Variants in FRMPD4 observed in about 807,000 individuals in gnomAD.
The protein encoded by FRMPD4 is FERM and PDZ domain-containing protein 4.
FRMPD4 carries 22 observed loss-of-function variants against 94.1 expected under a neutral mutation model. The ratio of observed to expected loss-of-function variants is 0.23; its 90% CI spans 0.17 to 0.33. The LOEUF is 0.33. Among genes scored for constraint, FRMPD4 ranks in the 10% least tolerant of loss-of-function variants. The pLI is 1.00. For missense variants in FRMPD4, 1,111 were observed against 1,339.9 expected (o/e 0.83, Z 2.67); for synonymous variants, 631 against 548.6 (o/e 1.15, Z -2.10).
chrX:12,502,630 TATAGATCCAATC>T lies in FRMPD4; in HGVS notation c.158+3841_158+3852del, dbSNP rs767632728. Among the ~76,000 whole-genome samples, 47 of 112,059 alleles carry T rather than the reference TATAGATCCAATC, an allele frequency of 4.2e-4. No individual in the cohort carries two copies. The East Asian group carries it at 4.7e-3, about 11-fold the overall frequency. ...TAGATGGAGAGGGATGTAGATATATTATAGATCCAATCATAGATACAGATATAAAAATAGATA... is the reference window on the plus strand; with the variant it reads ...TAGATGGAGAGGGATGTAGATATATTATAGATACAGATATAAAAATAGATA... On this transcript the variant is annotated intron_variant, in intron 2 of 16. Transcript: ENST00000675598.
chrX:12,304,461 G>A (rs1271953706), intron 1 of FRMPD4, among the ~76,000 whole-genome samples: 9 of 111,000 alleles, frequency 8.1e-5, no homozygotes, highest in African/African-American at 2.6e-4. Flanking sequence ...AGTCAGAAAC[G>A]TCTACAGACA....
intron 1 of FRMPD4, among the ~76,000 whole-genome samples, chrX:12,146,375 AG>A (rs1436653112): frequency 9.1e-6 from 1 of 109,922 alleles, no homozygotes; most frequent in African/African-American, 3.3e-5. Flanking sequence ...AAAAAAAAAA[AG>A]AAAAGAAAAA....
chrX:12,304,157 T>G (rs1569224965), intron 1 of FRMPD4, among the ~76,000 whole-genome samples: 1 of 111,683 alleles, frequency 9.0e-6, no homozygotes, highest in East Asian at 2.8e-4. Context: ...TGATGCCAAC[T>G]TACCAAGGTG....
At chrX:12,495,023 G>C in intron 1 of FRMPD4, 3 of 735,060 alleles carry the variant, frequency 4.1e-6, no homozygotes, top group Non-Finnish European at 4.8e-6. Flanking sequence ...CCTGAGCCCG[G>C]TGGAAATGGA....
chrX:12,142,752 C>T (rs1465978683), intron 1 of FRMPD4, among the ~76,000 whole-genome samples: 5 of 111,656 alleles, frequency 4.5e-5, no homozygotes, highest in Middle Eastern at 4.6e-3. Context: ...GGGAAGAAGG[C>T]GTCTAGGTCA....
chrX:12,696,416 A>G (rs2060129733), intron 9 of FRMPD4, among the ~76,000 whole-genome samples: 1 of 110,187 alleles, frequency 9.1e-6, no homozygotes, highest in Admixed American at 9.7e-5. Flanking sequence ...GCTTCCTATT[A>G]CTCTCACTTA....
chrX:12,435,620 G>A (rs1247981294), intron 1 of FRMPD4, among the ~76,000 whole-genome samples: 5 of 111,460 alleles, frequency 4.5e-5, no homozygotes, highest in African/African-American at 1.3e-4. Context: ...CTGTGATTAT[G>A]ATTATTTGTA....
At chrX:11,925,912 T>C (rs187102931) in intron 3 of FRMPD4, among the ~76,000 whole-genome samples, 260 of 111,058 alleles carry the variant, frequency 2.3e-3, no homozygotes, top group African/African-American at 8.2e-3. Flanking sequence ...TGAAGGATAT[T>C]GAGACATGAA....
At chrX:12,262,547 C>G (rs1401449124) in intron 1 of FRMPD4, among the ~76,000 whole-genome samples, 1 of 112,354 alleles carries the variant, frequency 8.9e-6, no homozygotes, top group Non-Finnish European at 1.9e-5. Flanking sequence ...TCAAATCTAA[C>G]TCACAGGGTT....
intron 1 of FRMPD4, among the ~76,000 whole-genome samples, chrX:12,355,068 G>C (rs1345556849): frequency 8.9e-6 from 1 of 112,259 alleles, no homozygotes; most frequent in Admixed American, 9.4e-5. Flanking sequence ...CTCTAAGGGA[G>C]AGGTAATGGG....
chrX:12,481,966 A>AAAAAAAAAAAAAAAAAAAAAAAAG (rs2057691005), intron 1 of FRMPD4, among the ~76,000 whole-genome samples: 1 of 100,044 alleles, frequency 1.0e-5, no homozygotes, highest in Non-Finnish European at 2.0e-5. Context: ...AAAAAAAAAA[A>AAAAAAAAAAAAAAAAAAAAAAAAG]AAAAAGAAAG....
At position 12,260,840 on chromosome X, in the gene FRMPD4, A is replaced by T. The variant is rs1478055617; in HGVS notation, c.41+121828A>T. 2.7e-5 allele frequency among the ~76,000 whole-genome samples: 3 copies of T among 112,167 alleles called. No homozygotes were observed. In the Admixed American group the frequency reaches 2.8e-4, roughly 11 times the overall value. ...GTTTCAATCCTCCACGCGTTTGCTT[A>T]ATCTGATGCCTCTCCCTAGATGAAC... On this transcript the variant is annotated intron_variant, in intron 1 of 16. Transcript: ENST00000675598.
chrX:11,853,539 G>A (rs758318547), intron 1 of FRMPD4, among the ~76,000 whole-genome samples: 2 of 110,816 alleles, frequency 1.8e-5, no homozygotes, highest in Non-Finnish European at 1.9e-5. Flanking sequence ...GAAATGACAA[G>A]GGGGATATTA....
exon 1 of FRMPD4, among the ~76,000 whole-genome samples, chrX:11,822,598 A>T (rs2053419017): frequency 8.9e-6 from 1 of 112,339 alleles, no homozygotes; most frequent in Non-Finnish European, 1.9e-5. Flanking sequence ...TGGGAATGAG[A>T]TGTAAGCCAG....
At position 12,320,805 on chromosome X, in the gene FRMPD4, G is replaced by A. The variant is rs182009785; in HGVS notation, c.42-177875G>A. Among the ~76,000 whole-genome samples the A allele has an allele frequency of 4.7e-3, 527 of 111,287 alleles. 1 individual carries two copies. Among genetic ancestry groups the A allele is most frequent in the African/African-American group, 0.016 (488 of 30,678 alleles). On this transcript the variant is annotated intron_variant, in intron 1 of 16. Coordinates refer to ENST00000675598, the MANE Select transcript of FRMPD4 (RefSeq NM_001368397.1). ...ACTAGCCAGAAGACAAGGAAAACAG[G>A]AATGTTCCCAACTTAATCAACTGTA... is the stretch of plus-strand genomic sequence containing the variant.
chrX:12,216,397 T>A (rs1569194829), intron 1 of FRMPD4, among the ~76,000 whole-genome samples: 1 of 111,929 alleles, frequency 8.9e-6, no homozygotes, highest in African/African-American at 3.3e-5. Context: ...AGCTGTTGCA[T>A]CTTTTTTGAC....
intron 2 of FRMPD4, among the ~76,000 whole-genome samples, chrX:12,562,771 GCTTT>G (rs2058671455): frequency 1.8e-5 from 2 of 112,196 alleles, no homozygotes; most frequent in South Asian, 7.4e-4. Context: ...ATCTTAGTCT[GCTTT>G]CTATTTGCAT....
At chrX:11,884,653 T>C (rs956031115) in intron 3 of FRMPD4, among the ~76,000 whole-genome samples, 1 of 111,619 alleles carries the variant, frequency 9.0e-6, no homozygotes, top group African/African-American at 3.3e-5. Context: ...AATATTCATA[T>C]TATAAATTTC....
intron 3 of FRMPD4, among the ~76,000 whole-genome samples, chrX:12,065,371 A>G (rs1406039358): frequency 1.8e-5 from 2 of 112,023 alleles, no homozygotes; most frequent in Non-Finnish European, 3.8e-5. Flanking sequence ...CCAACGCCAA[A>G]CAGTGACTGT....
Sources: allele counts gnomAD v4.1 joint callset (sites outside exome capture counted in the v4.1 genomes callset), GRCh38; gene constraint gnomAD v4.1.1; transcripts MANE v1.5; gene names NCBI Gene and HGNC (gene_info 2026-07-23, HGNC 2026-07-21).